The following SEMA4F variants were observed in gnomAD, a reference collection of about 807,000 sequenced individuals.
SEMA4F encodes the protein ssemaphorin 4F.
Under a neutral mutation model 78.4 loss-of-function variants are expected in SEMA4F, and 51 were observed. That is an observed-to-expected ratio of 0.65 (90% CI 0.52 to 0.82). SEMA4F has a LOEUF of 0.82. Among genes scored for constraint, SEMA4F ranks in the 40% least tolerant of loss-of-function variants. SEMA4F has a pLI of 0.00. For synonymous variants in SEMA4F, 418 were observed against 408.7 expected (o/e 1.02, Z -0.27); for missense variants, 938 against 1,014.4 (o/e 0.92, Z 1.02).
chr2:74,686,582 T>G (rs1685827159), downstream of SEMA4F, among the ~76,000 whole-genome samples: 1 of 152,246 alleles, frequency 6.6e-6, no homozygotes, highest in African/African-American at 2.4e-5. Flanking sequence ...TGCACACGTA[T>G]GTTTATTGTG....
chr2:74,654,355 C>A lies in SEMA4F; in HGVS notation c.-22C>A. 1.4e-6 allele frequency: 2 copies of A among 1,469,504 alleles called. No individual in the cohort carries two copies. The highest frequency in any genetic ancestry group is 5.6e-5 in the East Asian group (2 of 35,524). 91.0% of individuals were successfully genotyped at this position (1,469,504 alleles called of 1,614,324 possible). On this transcript the variant is annotated 5_prime_UTR_variant, in exon 1 of 14. Transcript: ENST00000357877. ...GCAGAGGCCGTAGCTTGCGCCGCAC[C>A]CGCGGCCAGGCGGAGCCAAAGATGC...
chr2:74,696,218 C>T, the SEMA4F span, among the ~76,000 whole-genome samples: 4 of 118,964 alleles, frequency 3.4e-5, no homozygotes, highest in African/African-American at 3.4e-5. Flanking sequence ...TTAATTGAGA[C>T]GGAGTCTCAC....
chr2:74,667,858 G>A (rs1684774703), intron 5 of SEMA4F, among the ~76,000 whole-genome samples: 2 of 152,050 alleles, frequency 1.3e-5, no homozygotes, highest in African/African-American at 4.8e-5. Context: ...TGAGCCCATG[G>A]CTTCTGTTTC....
At position 74,673,659 on chromosome 2, in the gene SEMA4F, G is replaced by A. The variant is rs1685106766; in HGVS notation, c.671-18G>A. Reference sequence around the variant, plus strand: ...CTAGGTTGTGTCTGTGAGGATCTGAGGCCACTGGTATTCCCAGCCCCAGCC... The same window carrying A: ...CTAGGTTGTGTCTGTGAGGATCTGAAGCCACTGGTATTCCCAGCCCCAGCC... On this transcript the variant is annotated intron_variant, in intron 6 of 13. Transcript: ENST00000357877. The A allele has an allele frequency of 1.2e-6, 2 of 1,613,096 alleles. No individual in the cohort carries two copies. The highest frequency in any genetic ancestry group is 1.7e-5 in the Admixed American group (1 of 59,966).
chr2:74,690,264 T>A, the SEMA4F span, among the ~76,000 whole-genome samples: 1 of 152,236 alleles, frequency 6.6e-6, no homozygotes, highest in East Asian at 1.9e-4. Flanking sequence ...TTGTAATAGA[T>A]AATGTATTTC....
intron 12 of SEMA4F, among the ~76,000 whole-genome samples, chr2:74,676,414 C>T (rs2105007065): frequency 6.6e-6 from 1 of 152,300 alleles, no homozygotes; most frequent in South Asian, 2.1e-4. Flanking sequence ...CTAATGACAA[C>T]CACAAATATA....
rs938138514 is a variant in SEMA4F at position 74,658,878 on chromosome 2, G to C, written c.456+927G>C. Among the ~76,000 whole-genome samples the C allele has an allele frequency of 4.6e-5, 7 of 152,108 alleles. No individual in the cohort carries two copies. The highest frequency in any genetic ancestry group is 1.7e-4 in the African/African-American group (7 of 41,418). ...CATCCTTAACTGTAGATCTTGTCTT[G>C]ACTCTTCTGCAGTCCTCAGTAATCC... On this transcript the variant is annotated intron_variant, in intron 4 of 13. Transcript: ENST00000357877. The surrounding 1 kb of genome is among the most constrained non-coding windows in gnomAD (Gnocchi z 4.3).
intron 9 of SEMA4F, 50 bp from the exon 10 acceptor site, chr2:74,675,112 G>A (rs1558732620): frequency 6.2e-7 from 1 of 1,613,430 alleles, no homozygotes. Context: ...AGCATCACTG[G>A]CATGTCCTGT....
chr2:74,704,945 T>G, the SEMA4F span, among the ~76,000 whole-genome samples: 6 of 152,136 alleles, frequency 3.9e-5, no homozygotes, highest in African/African-American at 1.4e-4. Flanking sequence ...TGCCCCTCAA[T>G]CCAAGGGTCC....
chr2:74,670,673 G>A (rs1295742137), intron 5 of SEMA4F, among the ~76,000 whole-genome samples: 3 of 152,204 alleles, frequency 2.0e-5, no homozygotes, highest in East Asian at 1.9e-4. Context: ...TCCATGACAC[G>A]GCTTCTGCCA....
chr2:74,657,805 C>T (rs912810113), intron 3 of SEMA4F, 48 bp from the exon 4 acceptor site: 2 of 1,561,384 alleles, frequency 1.3e-6, no homozygotes, highest in Non-Finnish European at 1.8e-6. Flanking sequence ...CCTTACCCTT[C>T]CTCGTACCTG....
the SEMA4F span, among the ~76,000 whole-genome samples, chr2:74,704,491 A>G: frequency 4.6e-5 from 7 of 151,762 alleles, no homozygotes; most frequent in Non-Finnish European, 8.8e-5. Context: ...TTGTCTGTAC[A>G]ATTGGCTAGT....
Position 74,679,844 on chromosome 2 carries a change from C to T in SEMA4F, c.1948C>T (p.Arg650Ter), listed in dbSNP as rs142022737. The T allele has an allele frequency of 1.2e-5, 20 of 1,614,038 alleles. No individual in the cohort carries two copies. The highest frequency in any genetic ancestry group is 1.7e-5 in the Admixed American group (1 of 60,008). Residue 650 changes from arginine to a stop codon, truncating the protein, a stop_gained, in exon 14 of 14, where the codon CGA (arginine) becomes TGA (stop). Coordinates refer to ENST00000357877, the MANE Select transcript of SEMA4F (RefSeq NM_004263.5). LOFTEE classifies it high-confidence loss of function. ...TTACAGCTTGGTATGGGGCAGCCAG[C>T]GAGATGCTCCGAGCCGGGCCCACAC... ...AAYSLVWGSQRDAPSRAHTVG... is the reference protein window; with the variant it reads ...AAYSLVWGSQ
chr2:74,667,022 A>G (rs1684732108), intron 5 of SEMA4F, among the ~76,000 whole-genome samples: 1 of 152,112 alleles, frequency 6.6e-6, no homozygotes, highest in African/African-American at 2.4e-5. Flanking sequence ...TACTGTGTCT[A>G]TGTGTCTGCG....
intron 3 of SEMA4F, 30 bp downstream of exon 3, chr2:74,657,654 T>A (rs757873217): frequency 3.1e-5 from 50 of 1,609,646 alleles, no homozygotes; most frequent in Non-Finnish European, 4.2e-5. Context: ...CTGTCTTGAG[T>A]GTCAGTTGAG....
At position 74,662,833 on chromosome 2, in the gene SEMA4F, G is replaced by C. The variant is rs1684496469; in HGVS notation, c.550+8G>C. The C allele has an allele frequency of 6.2e-7, 1 of 1,613,026 alleles. No individual in the cohort carries two copies. Among genetic ancestry groups the C allele is most frequent in the African/African-American group, 1.3e-5 (1 of 75,004 alleles). On this transcript the variant is annotated splice_region_variant and intron_variant, in intron 5 of 13. Coordinates refer to ENST00000357877, the MANE Select transcript of SEMA4F (RefSeq NM_004263.5). ...CAGCAGCTGTAATGGCTGGTGAGTGGGGAGAGACAAGAACCTGTAACTTCT... is the reference window on the plus strand; with the variant it reads ...CAGCAGCTGTAATGGCTGGTGAGTGCGGAGAGACAAGAACCTGTAACTTCT...
chr2:74,686,953 A>G (rs1187867442), downstream of SEMA4F, among the ~76,000 whole-genome samples: 1 of 152,146 alleles, frequency 6.6e-6, no homozygotes, highest in African/African-American at 2.4e-5. Flanking sequence ...GGGTGCAGCA[A>G]ACCAACATGC....
At position 74,657,963 on chromosome 2, in the gene SEMA4F, T is replaced by G. The variant is rs6718857; in HGVS notation, c.456+12T>G. ...AGTGCGGGGTTATTGTGAGTGACGGTGTGGGAGGAGAGGGAGAGGGTGCCT... is the reference window on the plus strand; with the variant it reads ...AGTGCGGGGTTATTGTGAGTGACGGGGTGGGAGGAGAGGGAGAGGGTGCCT... On this transcript the variant is annotated intron_variant, in intron 4 of 13. Coordinates refer to ENST00000357877, the MANE Select transcript of SEMA4F (RefSeq NM_004263.5). 0.022 allele frequency: 35,430 copies of G among 1,611,566 alleles called. 4,047 individuals are homozygous for G. In the African/African-American group the frequency reaches 0.32, roughly 14 times the overall value.
intron 5 of SEMA4F, among the ~76,000 whole-genome samples, chr2:74,668,073 A>G (rs1376470516): frequency 1.3e-5 from 2 of 152,174 alleles, no homozygotes; most frequent in African/African-American, 4.8e-5. Context: ...CTCCGAGTGT[A>G]TAGTGCCATA....
Sources: allele counts gnomAD v4.1 joint callset (sites outside exome capture counted in the v4.1 genomes callset), GRCh38; gene constraint gnomAD v4.1.1; non-coding constraint Gnocchi (gnomAD v3.1); transcripts MANE v1.5; gene names NCBI Gene and HGNC (gene_info 2026-07-23, HGNC 2026-07-21).